SLC12A2: variants seen among roughly 807,000 people sequenced by gnomAD.
SLC12A2 encodes Na-K-2Cl cotransporter 1.
SLC12A2 carries 67 observed loss-of-function variants against 136.3 expected under a neutral mutation model. That is an observed-to-expected ratio of 0.49 (90% CI 0.40 to 0.60). The LOEUF is 0.60. Among genes scored for constraint, SLC12A2 ranks in the 20% least tolerant of loss-of-function variants. The pLI, the probability that SLC12A2 is intolerant of heterozygous loss-of-function variation, is 0.00. For synonymous variants in SLC12A2, 619 were observed against 562.9 expected, an observed-to-expected ratio of 1.10 and a Z score of -1.41; for missense variants, 1,322 against 1,534.7, an observed-to-expected ratio of 0.86 and a Z score of 2.32.
chr5:128,130,091 T>C (rs1333612489), intron 4 of SLC12A2, among the ~76,000 whole-genome samples: 1 of 152,028 alleles, frequency 6.6e-6, no homozygotes, highest in Non-Finnish European at 1.5e-5. Context: ...AATTAAGTAA[T>C]TAAAATCATA....
intron 1 of SLC12A2, among the ~76,000 whole-genome samples, chr5:128,108,471 A>C (rs1761026888): frequency 6.6e-6 from 1 of 152,246 alleles, no homozygotes; most frequent in African/African-American, 2.4e-5. Context: ...TGGCAATAAA[A>C]AGGAGTGAAG....
At chr5:128,170,948 T>G (rs1376291216) in intron 18 of SLC12A2, 1 of 152,000 alleles carries the variant, frequency 6.6e-6, no homozygotes, top group African/African-American at 2.4e-5. Context: ...ATACAAAAAT[T>G]AGCCAGGCGT....
chr5:128,167,589 T>G (rs1227907908), intron 17 of SLC12A2, among the ~76,000 whole-genome samples, 172 bp from the exon 18 acceptor site: 1 of 152,144 alleles, frequency 6.6e-6, no homozygotes, highest in Non-Finnish European at 1.5e-5. Context: ...TTTTAAGTAA[T>G]ATCAATGGAA....
intron 1 of SLC12A2, among the ~76,000 whole-genome samples, chr5:128,103,549 G>T (rs1760820846): frequency 6.6e-6 from 1 of 152,128 alleles, no homozygotes. Flanking sequence ...ACTTACTGAG[G>T]GAGTGCATAG....
At chr5:128,130,925 A>AT in intron 4 of SLC12A2, 142 bp from the exon 5 acceptor site, 1 of 673,418 alleles carries the variant, frequency 1.5e-6, no homozygotes, top group Non-Finnish European at 2.5e-6. Flanking sequence ...ATTTCTGAAA[A>AT]TACAGTCACT....
At chr5:128,138,231 G>A (rs1004895377) in intron 7 of SLC12A2, among the ~76,000 whole-genome samples, 8 of 152,136 alleles carry the variant, frequency 5.3e-5, no homozygotes, top group African/African-American at 9.7e-5. Flanking sequence ...GAGGCACCAC[G>A]CCATGCCCCC....
intron 12 of SLC12A2, 79 bp from the exon 13 acceptor site, chr5:128,149,918 A>G (rs987973342): frequency 1.0e-6 from 1 of 984,704 alleles, no homozygotes; most frequent in Non-Finnish European, 1.6e-6. Context: ...GTTGTTATCT[A>G]AAGATTTGAA....
intron 7 of SLC12A2, among the ~76,000 whole-genome samples, chr5:128,136,366 T>A (rs1008067917): frequency 6.6e-6 from 1 of 152,114 alleles, no homozygotes; most frequent in African/African-American, 2.4e-5. Flanking sequence ...GATGCAGTTT[T>A]TTATATTACT....
At chr5:128,173,664 T>C (rs1763451655) in intron 19 of SLC12A2, among the ~76,000 whole-genome samples, 1 of 152,188 alleles carries the variant, frequency 6.6e-6, no homozygotes, top group African/African-American at 2.4e-5. Flanking sequence ...TGTTAAAATG[T>C]ATTTACCTTA....
chr5:128,119,612 T>G (rs1398168366), intron 4 of SLC12A2, among the ~76,000 whole-genome samples: 2 of 152,196 alleles, frequency 1.3e-5, no homozygotes, highest in Non-Finnish European at 2.9e-5. Context: ...CCATGCTGTT[T>G]TGGTTACTGT....
At chr5:128,181,117 A>C (rs2126758013) in intron 23 of SLC12A2, 123 bp downstream of exon 23, 1 of 680,776 alleles carries the variant, frequency 1.5e-6, no homozygotes, top group East Asian at 2.7e-5. Flanking sequence ...TTCTTTACTG[A>C]AGTTAAAAAT....
chr5:128,153,511 T>C (rs1055145600), intron 15 of SLC12A2, among the ~76,000 whole-genome samples: 2 of 152,090 alleles, frequency 1.3e-5, no homozygotes, highest in Non-Finnish European at 2.9e-5. Context: ...GCCAAGATCA[T>C]GCCACTGCAC....
chr5:128,114,701 A>T lies in SLC12A2; in HGVS notation c.1048+20A>T. The T allele has an allele frequency of 7.4e-7, 1 of 1,346,754 alleles. No individual in the cohort carries two copies. Among genetic ancestry groups the T allele is most frequent in the Middle Eastern group, 1.9e-4 (1 of 5,174 alleles). 83.4% of individuals were successfully genotyped at this position (1,346,754 alleles called of 1,614,324 possible). A position where few individuals can be genotyped will look rare whatever the true frequency, so the allele number is the denominator to read the frequency against. The stretch of plus-strand genomic sequence containing the variant: ...GAGGAGGTAAGTAGAATCTTTTTGA[A>T]TCATCATCATCAGATTACTCTTACT... On this transcript the variant is annotated intron_variant, in intron 4 of 26. Transcript: ENST00000262461.
rs1273371257 is a variant in SLC12A2, at chr5:128,178,651, A to G, written c.3062A>G (p.Lys1021Arg). The change falls in exon 22 of 27, where the codon AAG becomes AGG. Residue 1021 changes from lysine (K) to arginine (R), a missense_variant. Coordinates refer to ENST00000262461, the MANE Select transcript of SLC12A2 (RefSeq NM_001046.3). ...ACACAGTTTCAGAAAAAACAAGGAA[A>G]GAATACTATTGATGTCTGGTGGCTT... ...ASTQFQKKQGKNTIDVWWLFD... is the reference protein window; with the variant it reads ...ASTQFQKKQGRNTIDVWWLFD... The G allele has an allele frequency of 1.3e-6, 2 of 1,598,718 alleles. No homozygotes were observed. Among genetic ancestry groups the G allele is most frequent in the Non-Finnish European group, 1.7e-6 (2 of 1,173,428 alleles).
chr5:128,158,407 A>G (rs1053386824), intron 16 of SLC12A2, among the ~76,000 whole-genome samples: 2 of 152,034 alleles, frequency 1.3e-5, no homozygotes, highest in African/African-American at 4.8e-5. Flanking sequence ...TTGTATCCAT[A>G]TGTACTTAAT....
intron 18 of SLC12A2, among the ~76,000 whole-genome samples, 185 bp from the exon 19 acceptor site, chr5:128,171,482 A>G (rs1763373814): frequency 6.6e-6 from 1 of 152,206 alleles, no homozygotes. Flanking sequence ...TACAGAAGAG[A>G]ATGTTGTGGA....
intron 13 of SLC12A2, 26 bp downstream of exon 13, chr5:128,150,124 T>C: frequency 7.3e-7 from 1 of 1,371,176 alleles, no homozygotes; most frequent in Non-Finnish European, 1.0e-6. Context: ...TAAAAAAGTT[T>C]GTAAATATCA....
chr5:128,110,030 A>C, intron 1 of SLC12A2: 1 of 1,066,918 alleles, frequency 9.4e-7, no homozygotes. Flanking sequence ...TCCCAAAAAG[A>C]CTTGGACAGA....
chr5:128,087,019 G>C (rs1760127029), intron 1 of SLC12A2, among the ~76,000 whole-genome samples: 1 of 152,214 alleles, frequency 6.6e-6, no homozygotes, highest in South Asian at 2.1e-4. Context: ...CTAACTCTGT[G>C]TTGGGAACTA....
Sources: gnomAD v4.1 joint callset for allele counts (sites outside exome capture counted in the v4.1 genomes callset) on GRCh38, gnomAD v4.1.1 for gene constraint, MANE v1.5 for transcripts, NCBI Gene and HGNC (gene_info 2026-07-23, HGNC 2026-07-21) for gene names.